KCTD20: variants seen among roughly 807,000 people sequenced by gnomAD.
The protein encoded by KCTD20 is potassium channel tetramerization domain containing 20, also known as BTB/POZ domain-containing protein KCTD20.
A neutral mutation model predicts 39.6 loss-of-function variants in KCTD20; 30 were observed. The ratio of observed to expected loss-of-function variants is 0.76; its 90% confidence interval spans 0.57 to 1.03. The LOEUF is 1.03. KCTD20 is among the 50% of genes least tolerant of loss of function. The pLI is 0.00. For synonymous variants in KCTD20, 162 were observed against 180.6 expected, an observed-to-expected ratio of 0.90 and a Z score of 0.83; for missense variants, 422 against 522.0, an observed-to-expected ratio of 0.81 and a Z score of 1.87.
intron 7 of KCTD20, among the ~76,000 whole-genome samples, chr6:36,485,916 T>C (rs926686905): frequency 6.6e-6 from 1 of 152,110 alleles, no homozygotes; most frequent in Non-Finnish European, 1.5e-5. Flanking sequence ...AGGACTTTTT[T>C]TTTTAAGAGA....
chr6:36,469,943 C>T lies in KCTD20; in HGVS notation c.-46-109C>T. On this transcript the variant is annotated intron_variant, in intron 1 of 7. Coordinates refer to ENST00000373731, the MANE Select transcript of KCTD20 (RefSeq NM_173562.5). This position sits in a 1 kb window ranked among gnomAD's most constrained non-coding sequence, Gnocchi z 4.6. Reference sequence around the variant, plus strand: ...AAAATGTTTAAGATGCCTATTTCTCCTGAGAACAGGAATGCTAGCTGTCAG... The same window carrying T: ...AAAATGTTTAAGATGCCTATTTCTCTTGAGAACAGGAATGCTAGCTGTCAG... The T allele has an allele frequency of 1.9e-6, 1 of 533,968 alleles. No homozygotes were observed. Among genetic ancestry groups the T allele is most frequent in the Non-Finnish European group, 3.1e-6 (1 of 319,676 alleles). The allele number at this position is 533,968 out of a possible 1,614,324, so 33.1% of individuals were successfully genotyped here.
intron 3 of KCTD20, among the ~76,000 whole-genome samples, chr6:36,476,428 A>ATTT (rs146381569): frequency 7.3e-6 from 1 of 137,704 alleles, no homozygotes; most frequent in Non-Finnish European, 1.6e-5. Flanking sequence ...ACAGTGAACC[A>ATTT]TTTTTTTTTT....
chr6:36,463,081 G>A (rs1775646841), intron 1 of KCTD20, among the ~76,000 whole-genome samples: 1 of 152,146 alleles, frequency 6.6e-6, no homozygotes, highest in South Asian at 2.1e-4. Context: ...ATGATATGGT[G>A]GTAACCTTGA....
At chr6:36,483,337 C>G (rs1173118978) in intron 6 of KCTD20, among the ~76,000 whole-genome samples, 3 of 148,138 alleles carry the variant, frequency 2.0e-5, no homozygotes, top group Non-Finnish European at 4.4e-5. Flanking sequence ...CTCAACCTCC[C>G]AAGAAGCTGG....
intron 6 of KCTD20, among the ~76,000 whole-genome samples, chr6:36,483,263 C>CTTTTTTT (rs766717414): frequency 9.8e-4 from 75 of 76,674 alleles, no homozygotes; most frequent in African/African-American, 2.5e-3. Flanking sequence ...GTGGCTTTTT[C>CTTTTTTT]TTTTTTTTTT....
At position 36,488,631 on chromosome 6, in the gene KCTD20, T is replaced by C. The variant is rs1776496020; in HGVS notation, c.*1456T>C. ...GTTGAGCACCCCAAATCTGAAAGGC[T>C]TCTGAACGTCATGTCAGCACTCAAA... On this transcript the variant is annotated 3_prime_UTR_variant, in exon 8 of 8. Transcript: ENST00000373731. 1 of 152,220 alleles carries C rather than the reference T, an allele frequency of 6.6e-6. No individual in the cohort carries two copies. Among genetic ancestry groups the C allele is most frequent in the African/African-American group, 2.4e-5 (1 of 41,448 alleles). The allele number at this position is 152,220 out of a possible 1,614,324, so 9.4% of individuals were successfully genotyped here.
At chr6:36,451,376 C>T (rs868571089) in intron 1 of KCTD20, among the ~76,000 whole-genome samples, 3 of 152,196 alleles carry the variant, frequency 2.0e-5, no homozygotes, top group Non-Finnish European at 2.9e-5. Context: ...AGAAAAGTCA[C>T]GTGATTCTAC....
At chr6:36,474,714 A>G in intron 2 of KCTD20, 75 bp from the exon 3 acceptor site, 1 of 1,358,776 alleles carries the variant, frequency 7.4e-7, no homozygotes, top group African/African-American at 1.5e-5. Context: ...TACTTGTTTT[A>G]AAGAAGACAG....
At chr6:36,463,676 G>T (rs190652137) in intron 1 of KCTD20, among the ~76,000 whole-genome samples, 1 of 152,154 alleles carries the variant, frequency 6.6e-6, no homozygotes, top group Non-Finnish European at 1.5e-5. Flanking sequence ...ATGTGAGGAC[G>T]CCTGGATGCC....
At chr6:36,475,121 C>G in intron 3 of KCTD20, 59 bp downstream of exon 3, 1 of 1,521,774 alleles carries the variant, frequency 6.6e-7, no homozygotes, top group Non-Finnish European at 9.0e-7. Context: ...AAAATACCTG[C>G]TGTTTATCTT....
At chr6:36,445,514 C>T (rs1287364650) in intron 1 of KCTD20, among the ~76,000 whole-genome samples, 1 of 152,082 alleles carries the variant, frequency 6.6e-6, no homozygotes, top group Non-Finnish European at 1.5e-5. Flanking sequence ...ATTGTTGTGT[C>T]TTCCTCTGGC....
intron 1 of KCTD20, among the ~76,000 whole-genome samples, chr6:36,455,363 A>G (rs1775400922): frequency 6.6e-6 from 1 of 152,166 alleles, no homozygotes; most frequent in African/African-American, 2.4e-5. Context: ...AGCCAAGATC[A>G]TGCCACTGCA....
chr6:36,478,094 C>CAA (rs1301151019), intron 3 of KCTD20, among the ~76,000 whole-genome samples: 5 of 87,672 alleles, frequency 5.7e-5, no homozygotes, highest in Non-Finnish European at 1.1e-4. Flanking sequence ...AACTCCATCT[C>CAA]AAAAAAAAAA....
At chr6:36,452,663 G>A (rs975643176) in intron 1 of KCTD20, 2 of 151,152 alleles carry the variant, frequency 1.3e-5, no homozygotes, top group African/African-American at 2.4e-5. Flanking sequence ...CCAGCCTCCT[G>A]AGTAGCTGGG....
intron 1 of KCTD20, among the ~76,000 whole-genome samples, chr6:36,461,498 G>A (rs1431430690): frequency 6.6e-6 from 1 of 152,056 alleles, no homozygotes; most frequent in African/African-American, 2.4e-5. Flanking sequence ...CTTTTTATAT[G>A]TAGTACATTA....
At chr6:36,482,956 A>AG (rs1400667873) in intron 6 of KCTD20, among the ~76,000 whole-genome samples, 3 of 150,930 alleles carry the variant, frequency 2.0e-5, no homozygotes, top group Admixed American at 2.0e-4. Flanking sequence ...AAAAAAAAAA[A>AG]AAAAAAAAAG....
In KCTD20 at chr6:36,469,275, G is replaced by A. The variant is rs146465354; in HGVS notation, c.-46-777G>A. Among the ~76,000 whole-genome samples, 85 of 152,300 alleles carry A rather than the reference G, an allele frequency of 5.6e-4. No homozygotes were observed. The highest frequency in any genetic ancestry group is 1.7e-3 in the African/African-American group (69 of 41,552). ...AAATATTTTGAGTAGCCGCCATCGA[G>A]GATGGAAGGGTTGCAGGGCGTGATT... On this transcript the variant is annotated intron_variant, in intron 1 of 7. Coordinates refer to ENST00000373731, the MANE Select transcript of KCTD20 (RefSeq NM_173562.5). This position sits in a 1 kb window ranked among gnomAD's most constrained non-coding sequence, Gnocchi z 4.6.
chr6:36,443,600 T>C (rs555262391), intron 1 of KCTD20: 3 of 152,352 alleles, frequency 2.0e-5, no homozygotes, highest in African/African-American at 7.2e-5. Flanking sequence ...CAGCCCTGTT[T>C]CCGCGTCTTC....
At chr6:36,450,553 C>A (rs983141672) in intron 1 of KCTD20, among the ~76,000 whole-genome samples, 19 of 151,928 alleles carry the variant, frequency 1.3e-4, no homozygotes, top group African/African-American at 4.1e-4. Context: ...ATCACTATGT[C>A]CTACGCCATG....
Sources: allele counts gnomAD v4.1 joint callset (sites outside exome capture counted in the v4.1 genomes callset), GRCh38; gene constraint gnomAD v4.1.1; non-coding constraint Gnocchi (gnomAD v3.1); transcripts MANE v1.5; gene names NCBI Gene and HGNC (gene_info 2026-07-23, HGNC 2026-07-21).